FNDC3B: variants seen among roughly 807,000 people sequenced by gnomAD.
FNDC3B encodes fibronectin type III domain-containing protein 3B.
Under a neutral mutation model 151.5 loss-of-function variants are expected in FNDC3B, and 12 were observed. That is an observed-to-expected ratio of 0.08 (90% CI 0.05 to 0.13). The LOEUF (loss-of-function observed/expected upper bound fraction) is 0.13. Among genes scored for constraint, FNDC3B ranks in the 10% least tolerant of loss-of-function variants. The pLI is 1.00. For synonymous variants in FNDC3B, 528 were observed against 549.0 expected (o/e 0.96, Z 0.54); for missense variants, 1,214 against 1,505.3 (o/e 0.81, Z 3.20).
intron 25 of FNDC3B, among the ~76,000 whole-genome samples, chr3:172,390,006 A>C (rs1254051847): frequency 6.6e-6 from 1 of 152,188 alleles, no homozygotes; most frequent in African/African-American, 2.4e-5. Flanking sequence ...CTTACTGTTC[A>C]CATTTACTTG....
At chr3:172,147,134 T>C (rs1351161828) in intron 3 of FNDC3B, among the ~76,000 whole-genome samples, 2 of 152,004 alleles carry the variant, frequency 1.3e-5, no homozygotes, top group African/African-American at 4.8e-5. Context: ...AGCAAAACCC[T>C]GTCTCTACTG....
chr3:172,281,682 T>C (rs1034974006), intron 6 of FNDC3B, among the ~76,000 whole-genome samples: 1 of 152,304 alleles, frequency 6.6e-6, no homozygotes, highest in Non-Finnish European at 1.5e-5. Context: ...GAACCTTGCA[T>C]TTGTGCACTT....
intron 25 of FNDC3B, among the ~76,000 whole-genome samples, chr3:172,389,723 G>T (rs1307564929): frequency 6.6e-6 from 1 of 151,998 alleles, no homozygotes; most frequent in Non-Finnish European, 1.5e-5. Flanking sequence ...AAAAATAGCT[G>T]GGCGTAGTGG....
chr3:172,073,456 T>A (rs978097419), intron 1 of FNDC3B, among the ~76,000 whole-genome samples: 1 of 152,220 alleles, frequency 6.6e-6, no homozygotes, highest in Non-Finnish European at 1.5e-5. Flanking sequence ...CCAGCTTCTG[T>A]CTGAAGTTAG....
At chr3:172,078,071 C>T (rs1718103283) in intron 1 of FNDC3B, among the ~76,000 whole-genome samples, 1 of 152,124 alleles carries the variant, frequency 6.6e-6, no homozygotes, top group Non-Finnish European at 1.5e-5. Flanking sequence ...ACCTCCATCT[C>T]CTGGGATCAA....
intron 2 of FNDC3B, among the ~76,000 whole-genome samples, chr3:172,119,431 G>C (rs1258532554): frequency 6.6e-6 from 1 of 151,256 alleles, no homozygotes; most frequent in Non-Finnish European, 1.5e-5. Flanking sequence ...AATCACAGGA[G>C]AGTGCTTGGA....
chr3:172,330,309 A>G, intron 12 of FNDC3B: 2 of 415,940 alleles, frequency 4.8e-6, no homozygotes, highest in Non-Finnish European at 8.6e-6. Flanking sequence ...CAGAAGGCCA[A>G]CTGTATATTG....
intron 11 of FNDC3B, among the ~76,000 whole-genome samples, chr3:172,325,776 T>C (rs1054600776): frequency 6.6e-6 from 1 of 152,226 alleles, no homozygotes. Context: ...CTTTTTGTAC[T>C]GCAGTGACTT....
In FNDC3B at chr3:172,285,940, G is replaced by T. The variant is rs779921990; in HGVS notation, c.805G>T (p.Val269Leu). 3.7e-6 allele frequency: 6 copies of T among 1,612,654 alleles called. No homozygotes were observed. The highest frequency in any genetic ancestry group is 1.7e-6 in the Non-Finnish European group (2 of 1,179,244). The change falls in exon 7 of 26, where the codon GTA becomes TTA. Residue 269 changes from valine to leucine, a missense_variant. Transcript: ENST00000415807. ...DSDLQEYELE[V>L]KRVQDILSGI... The stretch of plus-strand genomic sequence containing the variant: ...TCGCAATGCAGAATATGAGTTGGAA[G>T]TAAAGAGGGTGCAAGACATTCTTTC...
At chr3:172,068,937 T>C (rs1240380157) in intron 1 of FNDC3B, among the ~76,000 whole-genome samples, 1 of 152,210 alleles carries the variant, frequency 6.6e-6, no homozygotes, top group Non-Finnish European at 1.5e-5. Flanking sequence ...GGTAAGCAAC[T>C]TGCCTGAAGT....
At chr3:172,198,668 A>G (rs1228211233) in intron 3 of FNDC3B, among the ~76,000 whole-genome samples, 2 of 152,122 alleles carry the variant, frequency 1.3e-5, no homozygotes, top group Non-Finnish European at 2.9e-5. Context: ...ACATTGCATA[A>G]CAGGCCATTC....
chr3:172,056,488 C>G (rs981310007), intron 1 of FNDC3B, among the ~76,000 whole-genome samples: 1 of 152,192 alleles, frequency 6.6e-6, no homozygotes, highest in South Asian at 2.1e-4. Context: ...AAACTACTCA[C>G]TTAACTTGGA....
intron 11 of FNDC3B, among the ~76,000 whole-genome samples, chr3:172,318,820 G>A (rs559816811): frequency 2.0e-5 from 3 of 152,316 alleles, no homozygotes; most frequent in East Asian, 1.9e-4. Context: ...GTCCATCAGA[G>A]ACCATCTTTC....
intron 1 of FNDC3B, among the ~76,000 whole-genome samples, chr3:172,093,719 T>G (rs992232274): frequency 2.0e-5 from 3 of 152,136 alleles, no homozygotes; most frequent in Non-Finnish European, 2.9e-5. Context: ...TGGTATAGCC[T>G]TTAAGGTTCA....
At chr3:172,124,882 T>G (rs1720734067) in intron 2 of FNDC3B, among the ~76,000 whole-genome samples, 1 of 152,218 alleles carries the variant, frequency 6.6e-6, no homozygotes, top group Non-Finnish European at 1.5e-5. Context: ...CTTACACACA[T>G]TATTTCATCC....
intron 3 of FNDC3B, among the ~76,000 whole-genome samples, chr3:172,181,584 A>C (rs976775792): frequency 9.9e-5 from 15 of 151,822 alleles, no homozygotes; most frequent in Admixed American, 3.3e-4. Context: ...TAATCCCGGC[A>C]CTTTGGGAAG....
At chr3:172,287,476 G>A (rs570829035) in intron 7 of FNDC3B, among the ~76,000 whole-genome samples, 8 of 152,320 alleles carry the variant, frequency 5.3e-5, no homozygotes, top group African/African-American at 1.9e-4. Context: ...GCAGACGGGG[G>A]TGCAGTATAA....
chr3:172,327,951 A>G (rs562003725), intron 11 of FNDC3B, among the ~76,000 whole-genome samples: 2 of 152,330 alleles, frequency 1.3e-5, no homozygotes, highest in Non-Finnish European at 2.9e-5. Flanking sequence ...GATCCACTCA[A>G]TGTTAGCTTA....
At chr3:172,207,688 C>T (rs1018407337) in intron 3 of FNDC3B, among the ~76,000 whole-genome samples, 1 of 152,208 alleles carries the variant, frequency 6.6e-6, no homozygotes, top group African/African-American at 2.4e-5. Context: ...TGGCTCACAC[C>T]TGTAATCCCA....
Sources: allele counts gnomAD v4.1 joint callset (sites outside exome capture counted in the v4.1 genomes callset), GRCh38; gene constraint gnomAD v4.1.1; transcripts MANE v1.5; gene names NCBI Gene and HGNC (gene_info 2026-07-23, HGNC 2026-07-21).